Variants in NLRP1 observed in about 807,000 individuals in gnomAD.
The protein encoded by NLRP1 is NACHT, LRR and PYD domains-containing protein 1.
A neutral mutation model predicts 136.7 loss-of-function variants in NLRP1; 94 were observed. The ratio of observed to expected loss-of-function variants is 0.69; its 90% CI spans 0.58 to 0.82. The LOEUF is 0.82. NLRP1 is among the 40% of genes least tolerant of loss of function. The pLI is 0.00. For missense variants in NLRP1, 1,575 were observed against 1,802.7 expected, an observed-to-expected ratio of 0.87 and a Z score of 2.29; for synonymous variants, 690 against 725.1, an observed-to-expected ratio of 0.95 and a Z score of 0.78.
chr17:5,547,415 T>C (rs34981266), intron 5 of NLRP1, among the ~76,000 whole-genome samples: 7,058 of 152,304 alleles, frequency 0.046, 196 homozygotes, highest in Middle Eastern at 0.082. Context: ...GTTTTCAATC[T>C]GTAACCGTTA....
In NLRP1 at chr17:5,532,997, G is replaced by A; in HGVS notation, c.3134-13C>T. The A allele has an allele frequency of 6.2e-7, 1 of 1,607,940 alleles. No homozygotes were observed. ...GGGGAGCTTTCCTCTGAAACAGCAA[G>A]GCAGCGGTCAGCTCCAGATTCTCCC... On this transcript the variant is annotated splice_polypyrimidine_tract_variant and intron_variant, in intron 10 of 16. Transcript: ENST00000572272.
chr17:5,511,329 G>C (rs1276688015), downstream of NLRP1, among the ~76,000 whole-genome samples: 1 of 152,218 alleles, frequency 6.6e-6, no homozygotes, highest in East Asian at 1.9e-4. Context: ...CTACTCGGGA[G>C]GCTGAGGCAG....
chr17:5,522,731 C>T (rs995804634), intron 12 of NLRP1, among the ~76,000 whole-genome samples: 3 of 152,104 alleles, frequency 2.0e-5, no homozygotes, highest in Admixed American at 6.6e-5. Flanking sequence ...GCAAACCCAG[C>T]CCCTGGCCCT....
At chr17:5,545,835 T>C (rs551373564) in intron 5 of NLRP1, among the ~76,000 whole-genome samples, 2 of 152,374 alleles carry the variant, frequency 1.3e-5, no homozygotes, top group East Asian at 3.9e-4. Flanking sequence ...CCCACCTGGC[T>C]TATCTGATTT....
In NLRP1 at chr17:5,535,533, T is replaced by C. The variant is rs1002409749; in HGVS notation, c.2960+1318A>G. On this transcript the variant is annotated intron_variant, in intron 8 of 16. Transcript: ENST00000572272. The stretch of plus-strand genomic sequence containing the variant: ...TGACCAGGTCAAATAGGCCCATAGG[T>C]GCACTCACACTGACCCCAGGTGCAT... Among the ~76,000 whole-genome samples, 5 of 152,238 alleles carry C rather than the reference T, an allele frequency of 3.3e-5. No individual in the cohort carries two copies. In the South Asian group the frequency reaches 1.0e-3, roughly 32 times the overall value.
At chr17:5,526,638 C>T (rs922199051) in intron 12 of NLRP1, among the ~76,000 whole-genome samples, 5 of 152,074 alleles carry the variant, frequency 3.3e-5, no homozygotes, top group South Asian at 2.1e-4. Flanking sequence ...ACGAAGGACC[C>T]GAAGGACAAG....
chr17:5,573,206 A>G (rs1009539457), intron 3 of NLRP1, among the ~76,000 whole-genome samples: 2 of 152,220 alleles, frequency 1.3e-5, no homozygotes, highest in African/African-American at 2.4e-5. Flanking sequence ...GTACCCACGG[A>G]GCCTCACTTA....
intron 8 of NLRP1, among the ~76,000 whole-genome samples, chr17:5,535,346 C>T (rs117255640): frequency 0.015 from 2,209 of 152,210 alleles, 27 homozygotes; most frequent in Non-Finnish European, 0.022. Context: ...TGCTGCTGGT[C>T]CACGGACCAC....
intron 13 of NLRP1, 44 bp downstream of exon 13, chr17:5,521,480 C>T (rs1908893391): frequency 1.3e-6 from 2 of 1,588,394 alleles, no homozygotes; most frequent in African/African-American, 1.3e-5. Context: ...TTTGTGTTTA[C>T]CGTCAACCCA....
chr17:5,582,142 C>A (rs1018931969), intron 2 of NLRP1, 80 bp from the exon 3 acceptor site: 2 of 1,138,602 alleles, frequency 1.8e-6, no homozygotes, highest in African/African-American at 3.1e-5. Flanking sequence ...ACTCTCACAA[C>A]AGTCCTGAGA....
chr17:5,533,286 A>G lies in NLRP1; in HGVS notation c.3133+18T>C. 1.3e-6 allele frequency: 2 copies of G among 1,551,792 alleles called. No homozygotes were observed. Among genetic ancestry groups the G allele is most frequent in the Middle Eastern group, 1.7e-4 (1 of 5,992 alleles). ...CATGGTTCAAAAGATGAAAGGGGCC[A>G]GGCACCGTGGCTCTTGCCTGCAATC... On this transcript the variant is annotated intron_variant, in intron 10 of 16. Coordinates refer to ENST00000572272, the MANE Select transcript of NLRP1 (RefSeq NM_033004.4).
chr17:5,545,367 C>T (rs1912468182), intron 5 of NLRP1, among the ~76,000 whole-genome samples: 2 of 151,148 alleles, frequency 1.3e-5, no homozygotes. Flanking sequence ...CAGACACCCA[C>T]ACAGACACAG....
intron 5 of NLRP1, among the ~76,000 whole-genome samples, chr17:5,545,932 C>G (rs1912607099): frequency 6.6e-6 from 1 of 152,200 alleles, no homozygotes; most frequent in Admixed American, 6.5e-5. Context: ...TCTCTTGGGG[C>G]TTTATTTATT....
chr17:5,546,816 C>A (rs770196012), intron 5 of NLRP1, among the ~76,000 whole-genome samples: 2 of 152,108 alleles, frequency 1.3e-5, no homozygotes, highest in Non-Finnish European at 2.9e-5. Context: ...ACTTTGCTTG[C>A]GGGTCTTGGG....
intron 5 of NLRP1, among the ~76,000 whole-genome samples, chr17:5,553,001 G>A (rs1010635220): frequency 3.3e-5 from 5 of 149,454 alleles, no homozygotes; most frequent in Non-Finnish European, 3.0e-5. Flanking sequence ...ACTTCCTGTT[G>A]GTATCTGTAG....
At chr17:5,512,278 C>T (rs2151730359), downstream of NLRP1, 2 of 1,538,098 alleles carry the variant, frequency 1.3e-6, no homozygotes, top group Admixed American at 1.7e-5. Flanking sequence ...AGACAGGTGC[C>T]CCATTTCTCC....
intron 3 of NLRP1, among the ~76,000 whole-genome samples, chr17:5,578,622 A>G (rs1905255300): frequency 6.6e-6 from 1 of 152,218 alleles, no homozygotes; most frequent in South Asian, 2.1e-4. Flanking sequence ...CAGGTGCTGG[A>G]GAGGATGTGG....
chr17:5,577,513 C>T (rs148221672), intron 3 of NLRP1, among the ~76,000 whole-genome samples: 2,702 of 152,282 alleles, frequency 0.018, 74 homozygotes, highest in African/African-American at 0.062. Flanking sequence ...TTCACAATTG[C>T]TTCAAAGAGA....
rs1276287018 is a variant in NLRP1, at chr17:5,537,172, C to T, written c.2871-232G>A. Among the ~76,000 whole-genome samples the T allele has an allele frequency of 6.6e-6, 1 of 152,244 alleles. No homozygotes were observed. The highest frequency in any genetic ancestry group is 1.5e-5 in the Non-Finnish European group (1 of 68,042). ...AATCGGGGAGACGTGGGCTGTGAGG[C>T]AGTCTCCAATGGAGGCCTCAGCCAA... On this transcript the variant is annotated intron_variant, in intron 7 of 16. Coordinates refer to ENST00000572272, the MANE Select transcript of NLRP1 (RefSeq NM_033004.4). The surrounding 1 kb of genome is among the most constrained non-coding windows in gnomAD (Gnocchi z 4.5).
Sources: gnomAD v4.1 joint callset for allele counts (sites outside exome capture counted in the v4.1 genomes callset) on GRCh38, gnomAD v4.1.1 for gene constraint, Gnocchi (gnomAD v3.1) non-coding constraint, MANE v1.5 for transcripts, NCBI Gene and HGNC (gene_info 2026-07-23, HGNC 2026-07-21) for gene names.